Variants in AUTS2 observed in about 807,000 individuals in gnomAD.
The protein encoded by AUTS2 is activator of transcription and developmental regulator AUTS2.
A neutral mutation model predicts 112.4 loss-of-function variants in AUTS2; 17 were observed. The ratio of observed to expected loss-of-function variants is 0.15; its 90% CI spans 0.10 to 0.23. The LOEUF is 0.23. Among genes scored for constraint, AUTS2 ranks in the 10% least tolerant of loss-of-function variants. AUTS2 has a pLI of 1.00. For synonymous variants in AUTS2, 751 were observed against 702.7 expected (o/e 1.07, Z -1.09); for missense variants, 1,510 against 1,701.6 (o/e 0.89, Z 1.98).
At chr7:70,151,950 T>A (rs922769574) in intron 4 of AUTS2, among the ~76,000 whole-genome samples, 1 of 152,188 alleles carries the variant, frequency 6.6e-6, no homozygotes, top group Non-Finnish European at 1.5e-5. Flanking sequence ...AATGATATTT[T>A]AAAAATTATA....
chr7:70,483,361 C>T (rs1797865447), intron 5 of AUTS2, among the ~76,000 whole-genome samples: 1 of 152,234 alleles, frequency 6.6e-6, no homozygotes, highest in Non-Finnish European at 1.5e-5. Flanking sequence ...TGACTTTCCT[C>T]ATTGCCAACT....
chr7:70,262,067 G>A (rs940316305), intron 4 of AUTS2, among the ~76,000 whole-genome samples: 8 of 152,140 alleles, frequency 5.3e-5, no homozygotes, highest in African/African-American at 1.9e-4. Context: ...TTTACTAAGC[G>A]ATATATTACA....
At chr7:69,803,891 G>A (rs1790189873) in intron 1 of AUTS2, among the ~76,000 whole-genome samples, 1 of 152,256 alleles carries the variant, frequency 6.6e-6, no homozygotes, top group Admixed American at 6.5e-5. Flanking sequence ...AATTAGCCAG[G>A]CGTGGTTCCA....
chr7:69,809,643 C>G (rs1790458797), intron 1 of AUTS2, among the ~76,000 whole-genome samples: 1 of 152,100 alleles, frequency 6.6e-6, no homozygotes, highest in African/African-American at 2.4e-5. Flanking sequence ...GGGGATAAAA[C>G]CCTAGAGAGA....
chr7:69,797,521 G>A lies in AUTS2; in HGVS notation c.310-101765G>A, dbSNP rs558335268. On this transcript the variant is annotated intron_variant, in intron 1 of 18. Coordinates refer to ENST00000342771, the MANE Select transcript of AUTS2 (RefSeq NM_015570.4). ...TCACATTAAAGAGAGTTTTAGATAT[G>A]CAGGAAAATGAGAAGGGAAATTGAC... 2.6e-5 allele frequency among the ~76,000 whole-genome samples: 4 copies of A among 152,216 alleles called. No homozygotes were observed. The East Asian group carries it at 7.7e-4, about 29-fold the overall frequency.
At chr7:70,358,123 T>C (rs1428529004) in intron 4 of AUTS2, among the ~76,000 whole-genome samples, 1 of 152,220 alleles carries the variant, frequency 6.6e-6, no homozygotes, top group African/African-American at 2.4e-5. Flanking sequence ...GATTTCTTTC[T>C]GTCCTGTAGT....
intron 1 of AUTS2, among the ~76,000 whole-genome samples, chr7:69,885,133 A>C (rs1794218266): frequency 2.0e-5 from 3 of 152,166 alleles, no homozygotes; most frequent in Non-Finnish European, 2.9e-5. Flanking sequence ...TATGTTTCTC[A>C]TGTAGTGATA....
intron 2 of AUTS2, among the ~76,000 whole-genome samples, chr7:69,998,389 A>C (rs1223776380): frequency 6.6e-6 from 1 of 152,024 alleles, no homozygotes; most frequent in Non-Finnish European, 1.5e-5. Context: ...TAATTCTAAG[A>C]GCTCCCTGTG....
At chr7:70,370,012 G>A (rs931533824) in intron 4 of AUTS2, among the ~76,000 whole-genome samples, 2 of 152,166 alleles carry the variant, frequency 1.3e-5, no homozygotes, top group Non-Finnish European at 2.9e-5. Flanking sequence ...CTATCAACAG[G>A]CAACATTTAG....
intron 5 of AUTS2, among the ~76,000 whole-genome samples, chr7:70,668,684 T>G (rs1212795168): frequency 6.6e-6 from 1 of 152,218 alleles, no homozygotes; most frequent in Admixed American, 6.5e-5. Flanking sequence ...ACCTTAAGTT[T>G]ATCACGTTAG....
chr7:70,190,673 A>C (rs764539206), intron 4 of AUTS2, among the ~76,000 whole-genome samples: 11 of 152,182 alleles, frequency 7.2e-5, no homozygotes, highest in Non-Finnish European at 1.5e-4. Context: ...GTGGAGCCTC[A>C]GGTTGCCAAT....
At chr7:70,464,855 T>TG (rs2115692382) in intron 5 of AUTS2, among the ~76,000 whole-genome samples, 1 of 152,246 alleles carries the variant, frequency 6.6e-6, no homozygotes, top group Admixed American at 6.5e-5. Flanking sequence ...TGGGATTTCT[T>TG]TATTGTTTAT....
At position 69,909,334 on chromosome 7, in the gene AUTS2, A is replaced by G. The variant is rs188301293; in HGVS notation, c.522+9836A>G. Among the ~76,000 whole-genome samples the G allele has an allele frequency of 3.5e-3, 533 of 152,356 alleles. 2 individuals are homozygous for G. Among genetic ancestry groups the G allele is most frequent in the African/African-American group, 0.012 (508 of 41,592 alleles). ...GGACCTGATAGAATAATTGTATTCT[A>G]GTATTCTCTCCTTAGGCCCACTGGC... On this transcript the variant is annotated intron_variant, in intron 2 of 18. Coordinates refer to ENST00000342771, the MANE Select transcript of AUTS2 (RefSeq NM_015570.4).
chr7:69,893,263 T>G (rs1794602481), intron 1 of AUTS2, among the ~76,000 whole-genome samples: 1 of 152,242 alleles, frequency 6.6e-6, no homozygotes, highest in Non-Finnish European at 1.5e-5. Flanking sequence ...GTTTAGGCTC[T>G]GAAAATCTGT....
intron 6 of AUTS2, among the ~76,000 whole-genome samples, chr7:70,726,021 C>CA (rs1279513351): frequency 0.09 from 9,014 of 100,520 alleles, 327 homozygotes; most frequent in Non-Finnish European, 0.12. Flanking sequence ...GACTCCATTT[C>CA]AAAAAAAAAA....
intron 6 of AUTS2, among the ~76,000 whole-genome samples, chr7:70,702,778 C>A (rs1809529255): frequency 6.6e-6 from 1 of 152,172 alleles, no homozygotes; most frequent in African/African-American, 2.4e-5. Context: ...AGACGCAACG[C>A]TCTGGCCACC....
At chr7:70,637,180 A>G (rs1449206362) in intron 5 of AUTS2, among the ~76,000 whole-genome samples, 2 of 152,154 alleles carry the variant, frequency 1.3e-5, no homozygotes, top group Non-Finnish European at 2.9e-5. Context: ...CTGGGAGTCC[A>G]TGTTCTTAAC....
intron 2 of AUTS2, among the ~76,000 whole-genome samples, chr7:70,019,251 G>A (rs1325935837): frequency 6.6e-6 from 1 of 152,090 alleles, no homozygotes; most frequent in Non-Finnish European, 1.5e-5. Context: ...AATACACACT[G>A]GGGCCTTTTG....
At chr7:70,107,231 T>G (rs1804811346) in intron 2 of AUTS2, among the ~76,000 whole-genome samples, 1 of 151,992 alleles carries the variant, frequency 6.6e-6, no homozygotes. Flanking sequence ...TTGAAGACTA[T>G]GGAATCTAAA....
Sources: gnomAD v4.1 joint callset for allele counts (sites outside exome capture counted in the v4.1 genomes callset) on GRCh38, gnomAD v4.1.1 for gene constraint, MANE v1.5 for transcripts, NCBI Gene and HGNC (gene_info 2026-07-23, HGNC 2026-07-21) for gene names.